The following GCLM variants were observed in gnomAD, a reference collection of about 807,000 sequenced individuals.
GCLM encodes glutamate-cysteine ligase modifier subunit, also known as glutamate--cysteine ligase regulatory subunit.
A neutral mutation model predicts 36.0 loss-of-function variants in GCLM; 15 were observed. The observed-to-expected ratio is 0.42, with a 90% confidence interval of 0.28 to 0.64. The LOEUF is 0.64. GCLM is among the 30% of genes least tolerant of loss of function. The pLI, the probability that GCLM is intolerant of heterozygous loss-of-function variation, is 0.25. For synonymous variants in GCLM, 129 were observed against 122.8 expected, an observed-to-expected ratio of 1.05 and a Z score of -0.34; for missense variants, 242 against 325.5, an observed-to-expected ratio of 0.74 and a Z score of 1.97.
At chr1:93,897,060 C>T (rs994566580) in intron 4 of GCLM, among the ~76,000 whole-genome samples, 4 of 152,164 alleles carry the variant, frequency 2.6e-5, no homozygotes, top group Non-Finnish European at 4.4e-5. Flanking sequence ...TGCCTTATTC[C>T]TAGGCAGCTT....
chr1:93,904,232 C>T, intron 2 of GCLM: 1 of 338,414 alleles, frequency 3.0e-6, no homozygotes, highest in Non-Finnish European at 5.5e-6. Flanking sequence ...ATAATCATTC[C>T]TCTCCTAGAC....
chr1:93,897,342 AATAAT>A (rs1656767987), intron 4 of GCLM, among the ~76,000 whole-genome samples: 1 of 152,190 alleles, frequency 6.6e-6, no homozygotes, highest in African/African-American at 2.4e-5. Flanking sequence ...ATTCTATAAA[AATAAT>A]TTAAGAGCTT....
At chr1:93,896,376 C>T (rs1656735058) in intron 5 of GCLM, among the ~76,000 whole-genome samples, 1 of 152,136 alleles carries the variant, frequency 6.6e-6, no homozygotes, top group South Asian at 2.1e-4. Flanking sequence ...TTTTGTCACT[C>T]ATTTTAACCA....
chr1:93,890,847 G>A (rs1656506416), intron 6 of GCLM, among the ~76,000 whole-genome samples: 1 of 151,478 alleles, frequency 6.6e-6, no homozygotes, highest in Admixed American at 6.6e-5. Flanking sequence ...TAATTTGAGA[G>A]TGCCGCAGTG....
intron 6 of GCLM, among the ~76,000 whole-genome samples, chr1:93,892,974 A>G (rs1324413931): frequency 6.6e-6 from 1 of 152,224 alleles, no homozygotes; most frequent in Non-Finnish European, 1.5e-5. Context: ...ATAAATCAGC[A>G]TAACAATTTG....
chr1:93,894,490 T>A (rs1455545714), intron 6 of GCLM, 124 bp downstream of exon 6: 2 of 575,102 alleles, frequency 3.5e-6, no homozygotes, highest in African/African-American at 1.9e-5. Flanking sequence ...AACTAACCAT[T>A]AAGAATAGTT....
chr1:93,898,890 C>T (rs1422326575), intron 3 of GCLM, among the ~76,000 whole-genome samples: 1 of 152,070 alleles, frequency 6.6e-6, no homozygotes, highest in Non-Finnish European at 1.5e-5. Flanking sequence ...GATTACAGCA[C>T]CACACCAGGC....
chr1:93,902,172 G>GTTTGT (rs1236094955), intron 2 of GCLM, among the ~76,000 whole-genome samples: 3 of 151,870 alleles, frequency 2.0e-5, no homozygotes, highest in Admixed American at 6.6e-5. Flanking sequence ...TTTTTTGTTT[G>GTTTGT]TTTGTTTTGT....
intron 2 of GCLM, among the ~76,000 whole-genome samples, chr1:93,903,622 ATC>A (rs1471554646): frequency 6.6e-6 from 1 of 152,092 alleles, no homozygotes; most frequent in Non-Finnish European, 1.5e-5. Context: ...CCAGCCTGTA[ATC>A]ACAAGCATTG....
In GCLM at chr1:93,896,676, GCAA is replaced by G; in HGVS notation, c.479_481del (p.Val160del). On this transcript the variant is annotated inframe_deletion, in exon 5 of 7. Coordinates refer to ENST00000370238, the MANE Select transcript of GCLM (RefSeq NM_002061.4). ...TTTGTCTAGATCAGAGGTACCTATG[GCAA>G]CAATCTTTTTGCTCTGAACTAAGTT... The G allele has an allele frequency of 6.2e-7, 1 of 1,613,986 alleles. No individual in the cohort carries two copies. Among genetic ancestry groups the G allele is most frequent in the Non-Finnish European group, 8.5e-7 (1 of 1,179,908 alleles).
intron 6 of GCLM, among the ~76,000 whole-genome samples, chr1:93,893,007 TA>T (rs941628946): frequency 6.6e-5 from 10 of 152,328 alleles, no homozygotes; most frequent in African/African-American, 2.2e-4. Flanking sequence ...TAAAATGGCT[TA>T]AAAAATCAAT....
chr1:93,891,958 C>T (rs1350344053), intron 6 of GCLM, among the ~76,000 whole-genome samples: 1 of 152,048 alleles, frequency 6.6e-6, no homozygotes, highest in African/African-American at 2.4e-5. Context: ...CAGAGAGGTT[C>T]GGTAAGTTGG....
chr1:93,894,754 A>G (rs1655382057), intron 5 of GCLM, 26 bp from the exon 6 acceptor site: 2 of 1,023,980 alleles, frequency 2.0e-6, no homozygotes, highest in Admixed American at 1.7e-5. Flanking sequence ...AAATCATGAT[A>G]TCACTACTAA....
At chr1:93,890,827 C>T (rs1239191096) in intron 6 of GCLM, among the ~76,000 whole-genome samples, 1 of 151,850 alleles carries the variant, frequency 6.6e-6, no homozygotes, top group African/African-American at 2.4e-5. Flanking sequence ...ACACTTCTAC[C>T]AGCAGTTGAT....
At chr1:93,904,963 C>G (rs6680315) in intron 1 of GCLM, among the ~76,000 whole-genome samples, 65,198 of 151,792 alleles carry the variant, frequency 0.43, 15,989 homozygotes, top group African/African-American at 0.67. Context: ...CACTTGAGGT[C>G]AGGAGTTCAA....
rs985180316 is a variant in GCLM, at chr1:93,885,348, A to G, written c.*3642T>C. ...ACAACTCACACTTTATTTTAGTTAAATTCATAATGTAGGTAATATTAAAAA... is the reference window on the plus strand; with the variant it reads ...ACAACTCACACTTTATTTTAGTTAAGTTCATAATGTAGGTAATATTAAAAA... On this transcript the variant is annotated 3_prime_UTR_variant, in exon 7 of 7. Transcript: ENST00000370238. 1 of 152,172 alleles carries G rather than the reference A, an allele frequency of 6.6e-6. No individual in the cohort carries two copies. The highest frequency in any genetic ancestry group is 1.5e-5 in the Non-Finnish European group (1 of 68,014). 9.4% of individuals were successfully genotyped at this position (152,172 alleles called of 1,614,324 possible).
intron 6 of GCLM, among the ~76,000 whole-genome samples, chr1:93,891,847 C>T (rs1332971123): frequency 1.3e-5 from 2 of 152,128 alleles, no homozygotes; most frequent in Non-Finnish European, 2.9e-5. Flanking sequence ...TTTTCATGTG[C>T]GAGGTACTTT....
rs866927558 is a variant in GCLM at position 93,897,417 on chromosome 1, T to C, written c.337+422A>G. Among the ~76,000 whole-genome samples, 37 of 152,250 alleles carry C rather than the reference T, an allele frequency of 2.4e-4. 1 individual carries two copies. The highest frequency in any genetic ancestry group is 6.8e-3 in the Middle Eastern group (2 of 294). ...AAGAGCCAATTATTTAAGTTTTCAA[T>C]ATATGTAAATACTGGAATAATTTTT... is the stretch of plus-strand genomic sequence containing the variant. On this transcript the variant is annotated intron_variant, in intron 4 of 6. Transcript: ENST00000370238.
chr1:93,898,955 TATAAAAGCAGAAAGACCAA>T (rs1656844797), intron 3 of GCLM, among the ~76,000 whole-genome samples: 5 of 152,146 alleles, frequency 3.3e-5, no homozygotes, highest in Admixed American at 2.6e-4. Flanking sequence ...AACGAAGACC[TATAAAAGCAGAAAGACCAA>T]AAAGAATTGC....
Sources: allele counts gnomAD v4.1 joint callset (sites outside exome capture counted in the v4.1 genomes callset), GRCh38; gene constraint gnomAD v4.1.1; transcripts MANE v1.5; gene names NCBI Gene and HGNC (gene_info 2026-07-23, HGNC 2026-07-21).